Variants in ADGRB1 observed in about 807,000 individuals in gnomAD.
The protein encoded by ADGRB1 is adhesion G protein-coupled receptor B1, also known as brain-specific angiogenesis inhibitor 1.
Under a neutral mutation model 175.7 loss-of-function variants are expected in ADGRB1, and 36 were observed. The observed-to-expected ratio is 0.20, with a 90% confidence interval of 0.16 to 0.27. The LOEUF (loss-of-function observed/expected upper bound fraction) is 0.27. Among genes scored for constraint, ADGRB1 ranks in the 10% least tolerant of loss-of-function variants. The pLI, the probability that ADGRB1 is intolerant of heterozygous loss-of-function variation, is 1.00. For missense variants in ADGRB1, 1,731 were observed against 2,255.3 expected, an observed-to-expected ratio of 0.77 and a Z score of 4.71; for synonymous variants, 1,054 against 979.4, an observed-to-expected ratio of 1.08 and a Z score of -1.42.
chr8:142,535,892 C>T (rs953481607), intron 25 of ADGRB1, among the ~76,000 whole-genome samples: 1 of 152,152 alleles, frequency 6.6e-6, no homozygotes, highest in Admixed American at 6.5e-5. Context: ...AGCTGGTGTC[C>T]GGGGGTCAGA....
rs1158095524 is a variant in ADGRB1, at chr8:142,541,843, C to T, written c.3707-98C>T. 2.0e-5 allele frequency: 26 copies of T among 1,299,584 alleles called. No individual in the cohort carries two copies. The South Asian group carries it at 3.4e-4, about 17-fold the overall frequency. The allele number at this position is 1,299,584 out of a possible 1,614,324, so 80.5% of individuals were successfully genotyped here. A position where few individuals can be genotyped will look rare whatever the true frequency, so the allele number is the denominator to read the frequency against. Reference sequence around the variant, plus strand: ...GCCAGGGTCTCCCAGGAGGTGGCGGCCTCGCAGGGCAGACTGGGCCCCTCT... The same window carrying T: ...GCCAGGGTCTCCCAGGAGGTGGCGGTCTCGCAGGGCAGACTGGGCCCCTCT... On this transcript the variant is annotated intron_variant, in intron 27 of 30. Coordinates refer to ENST00000517894, the MANE Select transcript of ADGRB1 (RefSeq NM_001702.3).
At chr8:142,530,107 G>T (rs539343664) in intron 24 of ADGRB1, among the ~76,000 whole-genome samples, 1 of 151,918 alleles carries the variant, frequency 6.6e-6, no homozygotes, top group Admixed American at 6.6e-5. Flanking sequence ...GATATTTTGC[G>T]TTAGTGTGTG....
intron 1 of ADGRB1, among the ~76,000 whole-genome samples, chr8:142,459,029 C>G (rs933654932): frequency 6.6e-6 from 1 of 152,188 alleles, no homozygotes; most frequent in African/African-American, 2.4e-5. Context: ...CACTGGTCCC[C>G]CAGCAATGGG....
At chr8:142,465,884 G>A (rs564742653) in intron 2 of ADGRB1, among the ~76,000 whole-genome samples, 1 of 152,162 alleles carries the variant, frequency 6.6e-6, no homozygotes, top group Non-Finnish European at 1.5e-5. Context: ...GAGGGGCAGG[G>A]GCCAGTCCTG....
intron 21 of ADGRB1, 64 bp from the exon 22 acceptor site, chr8:142,522,574 TAGG>T: frequency 6.9e-7 from 1 of 1,453,050 alleles, no homozygotes. Context: ...ACGGCAGGGC[TAGG>T]AGGAGGTGGA....
chr8:142,532,266 G>A (rs1264916814), intron 24 of ADGRB1, among the ~76,000 whole-genome samples: 6 of 152,204 alleles, frequency 3.9e-5, no homozygotes, highest in Admixed American at 1.3e-4. Context: ...CGCAGCCGGG[G>A]TCCTGCTGGC....
At chr8:142,502,018 G>A (rs1280072614) in intron 17 of ADGRB1, among the ~76,000 whole-genome samples, 1 of 150,854 alleles carries the variant, frequency 6.6e-6, no homozygotes, top group African/African-American at 2.4e-5. Flanking sequence ...AGTGATGGTT[G>A]TGTGGTTTTG....
intron 17 of ADGRB1, among the ~76,000 whole-genome samples, chr8:142,497,307 G>A (rs552252395): frequency 2.6e-4 from 39 of 152,250 alleles, no homozygotes; most frequent in Admixed American, 4.6e-4. Context: ...CGAGCATCCT[G>A]GTCCCTTTAA....
chr8:142,498,661 C>T (rs1001028986), intron 17 of ADGRB1, among the ~76,000 whole-genome samples: 13 of 152,104 alleles, frequency 8.5e-5, no homozygotes, highest in Non-Finnish European at 1.6e-4. Context: ...CAGGGAGCTT[C>T]CTGGGCAACT....
At chr8:142,514,323 T>G (rs979939426) in intron 18 of ADGRB1, among the ~76,000 whole-genome samples, 4 of 151,948 alleles carry the variant, frequency 2.6e-5, no homozygotes, top group African/African-American at 9.7e-5. Context: ...AGTCCTCCTC[T>G]AGAGCTGGCC....
In ADGRB1 at chr8:142,543,547, A is replaced by T. The variant is rs1408642165; in HGVS notation, c.4450-54A>T. ...CCAGGGGACGGGCGGGGCAGGCAGG[A>T]TGGGCCATGCCCTCCTCCTGGCCCA... On this transcript the variant is annotated intron_variant, in intron 29 of 30. Coordinates refer to ENST00000517894, the MANE Select transcript of ADGRB1 (RefSeq NM_001702.3). This position sits in a 1 kb window ranked among gnomAD's most constrained non-coding sequence, Gnocchi z 4.4. The T allele has an allele frequency of 1.4e-5, 22 of 1,582,586 alleles. No individual in the cohort carries two copies. The highest frequency in any genetic ancestry group is 1.9e-5 in the Non-Finnish European group (22 of 1,163,462).
intron 18 of ADGRB1, among the ~76,000 whole-genome samples, chr8:142,513,164 G>A (rs914929394): frequency 6.6e-6 from 1 of 152,232 alleles, no homozygotes; most frequent in African/African-American, 2.4e-5. Context: ...GGGCACAGGG[G>A]CTGGCAGTGT....
intron 24 of ADGRB1, among the ~76,000 whole-genome samples, chr8:142,529,604 G>C (rs996712936): frequency 3.9e-5 from 6 of 152,072 alleles, no homozygotes; most frequent in Non-Finnish European, 8.8e-5. Context: ...ATGTATGTGT[G>C]TGAGTGCAAC....
intron 19 of ADGRB1, among the ~76,000 whole-genome samples, chr8:142,520,467 GTGGTGATGGTTGTGTGATAATGGTGA>G (rs144777239): frequency 0.89 from 102,754 of 116,104 alleles, 45,899 homozygotes; most frequent in Non-Finnish European, 0.96. Context: ...GGTGGTGGTG[GTGGTGATGGTTGTGTGATAATGGTGA>G]TGGTGATGAT....
chr8:142,460,251 G>C (rs1390351010), intron 1 of ADGRB1, among the ~76,000 whole-genome samples: 1 of 152,240 alleles, frequency 6.6e-6, no homozygotes, highest in Non-Finnish European at 1.5e-5. Flanking sequence ...GGTCTGCTGG[G>C]GGCAGGGCAG....
At position 142,479,940 on chromosome 8, in the gene ADGRB1, C is replaced by A. The variant is rs111243471; in HGVS notation, c.1828+146C>A. 2,500 of 845,238 alleles carry A rather than the reference C, an allele frequency of 3.0e-3. 42 individuals are homozygous for A. In the African/African-American group the frequency reaches 0.036, roughly 12 times the overall value. The allele number at this position is 845,238 out of a possible 1,614,324, so 52.4% of individuals were successfully genotyped here. Reference sequence around the variant, plus strand: ...GTGCTGGCGCGGGGTGGTGGGGCCGCGAGCCCAGGGCACCGTGTGAGAACT... The same window carrying A: ...GTGCTGGCGCGGGGTGGTGGGGCCGAGAGCCCAGGGCACCGTGTGAGAACT... On this transcript the variant is annotated intron_variant, in intron 9 of 30. Transcript: ENST00000517894.
chr8:142,539,714 C>T, intron 27 of ADGRB1: 1 of 535,888 alleles, frequency 1.9e-6, no homozygotes. Context: ...GGCTGCGTCC[C>T]CTGCCCACCT....
chr8:142,528,043 G>A (rs1181354637), intron 24 of ADGRB1, among the ~76,000 whole-genome samples: 1 of 152,168 alleles, frequency 6.6e-6, no homozygotes, highest in Non-Finnish European at 1.5e-5. Context: ...CTGTGTGGCC[G>A]TGTAGGTCTC....
At chr8:142,515,438 G>A (rs1843362749) in intron 18 of ADGRB1, among the ~76,000 whole-genome samples, 1 of 152,046 alleles carries the variant, frequency 6.6e-6, no homozygotes, top group Admixed American at 6.5e-5. Context: ...AGAGGGATCA[G>A]GTGGACCAGT....
Sources: gnomAD v4.1 joint callset for allele counts (sites outside exome capture counted in the v4.1 genomes callset) on GRCh38, gnomAD v4.1.1 for gene constraint, Gnocchi (gnomAD v3.1) non-coding constraint, MANE v1.5 for transcripts, NCBI Gene and HGNC (gene_info 2026-07-23, HGNC 2026-07-21) for gene names.